Variants in DYNC2H1 observed in about 807,000 individuals in gnomAD.
DYNC2H1 encodes the protein cytoplasmic dynein 2 heavy chain 1.
DYNC2H1 carries 410 observed loss-of-function variants against 570.0 expected under a neutral mutation model. The observed-to-expected ratio is 0.72, with a 90% CI of 0.66 to 0.78. DYNC2H1 has a LOEUF of 0.78. Among genes scored for constraint, DYNC2H1 ranks in the 30% least tolerant of loss-of-function variants. The pLI is 0.00. For missense variants in DYNC2H1, 4,865 were observed against 5,046.4 expected (o/e 0.96, Z 1.09); for synonymous variants, 1,688 against 1,677.6 (o/e 1.01, Z -0.15).
intron 85 of DYNC2H1, among the ~76,000 whole-genome samples, chr11:103,440,020 G>A (rs1944209220): frequency 1.3e-5 from 2 of 152,062 alleles, no homozygotes; most frequent in Non-Finnish European, 1.5e-5. Context: ...ATTCTAGCGT[G>A]TTCTCTACCC....
intron 52 of DYNC2H1, among the ~76,000 whole-genome samples, chr11:103,208,501 A>G (rs1766346873): frequency 6.6e-6 from 1 of 152,260 alleles, no homozygotes; most frequent in Non-Finnish European, 1.5e-5. Context: ...ATGATATTGC[A>G]TGGTGTGCTT....
At chr11:103,138,822 G>A (rs1258079380) in intron 17 of DYNC2H1, among the ~76,000 whole-genome samples, 17 of 151,994 alleles carry the variant, frequency 1.1e-4, no homozygotes, top group African/African-American at 2.7e-4. Flanking sequence ...GGTAGAATTC[G>A]GCTGTGACTC....
At chr11:103,467,914 A>G (rs1306719742) in intron 87 of DYNC2H1, among the ~76,000 whole-genome samples, 8 of 152,206 alleles carry the variant, frequency 5.3e-5, no homozygotes, top group Admixed American at 5.2e-4. Flanking sequence ...TCTTAGGGCA[A>G]AGTGCCAGAA....
rs1862809333 is a variant in DYNC2H1, at chr11:103,203,725, C to T, written c.8260C>T (p.Gln2754Ter). The change falls in exon 51 of 89, where the codon CAA becomes TAA. Residue 2754 changes from glutamine to a stop codon, truncating the protein, a stop_gained. Transcript: ENST00000375735. LOFTEE classifies it high-confidence loss of function. The surrounding 1 kb of genome is among the most constrained non-coding windows in gnomAD (Gnocchi z 4.7). ...GCCCTTGCTGTTACCACTTAAGGAT[C>T]AAGCTTCACAAGATGGTTTTTTTGG... is the stretch of plus-strand genomic sequence containing the variant. ...LEPLLLPLKD[Q>*]ASQDGFFGPV... 2 of 1,612,274 alleles carry T rather than the reference C, an allele frequency of 1.2e-6. No individual in the cohort carries two copies.
Position 103,204,796 on chromosome 11 carries a change from T to C in DYNC2H1, c.8312-26T>C. ...AGACCACGTATAGATTGCCTGATTG[T>C]ATTATTATTCTTATATATTTCTTAG... On this transcript the variant is annotated intron_variant, in intron 51 of 88. Transcript: ENST00000375735. The surrounding 1 kb of genome is among the most constrained non-coding windows in gnomAD (Gnocchi z 4.1). The C allele has an allele frequency of 6.4e-7, 1 of 1,554,012 alleles. No homozygotes were observed. The highest frequency in any genetic ancestry group is 8.7e-7 in the Non-Finnish European group (1 of 1,145,938).
chr11:103,435,809 T>G, intron 84 of DYNC2H1, 134 bp from the exon 85 acceptor site: 5 of 684,222 alleles, frequency 7.3e-6, no homozygotes, highest in African/African-American at 1.8e-5. Flanking sequence ...TTCAATTTAA[T>G]GAGATCAAAC....
At chr11:103,290,011 A>G (rs1314152295) in intron 75 of DYNC2H1, among the ~76,000 whole-genome samples, 1 of 152,080 alleles carries the variant, frequency 6.6e-6, no homozygotes, top group Non-Finnish European at 1.5e-5. Flanking sequence ...GTCAACCACG[A>G]GAACCTAGGA....
In DYNC2H1 at chr11:103,256,229, T is replaced by C; in HGVS notation, c.10450T>C (p.Ser3484Pro). 6.3e-7 allele frequency: 1 copy of C among 1,599,636 alleles called. No homozygotes were observed. The highest frequency in any genetic ancestry group is 1.1e-5 in the South Asian group (1 of 87,206). The change falls in exon 68 of 89, where the codon TCC becomes CCC. Residue 3484 changes from serine to proline, a missense_variant. By Grantham distance (74) the Ser-to-Pro change is moderately conservative (BLOSUM62 -1). This residue lies in a region of DYNC2H1 where 2,401 missense variants were observed against 2,454.6 expected (regional missense o/e 0.98). Transcript: ENST00000375735. This position sits in a 1 kb window ranked among gnomAD's most constrained non-coding sequence, Gnocchi z 4.0. Reference protein sequence around the residue: ...SLKESYKLQISLDQERDAYLP... With the variant: ...SLKESYKLQIPLDQERDAYLP... Reference sequence around the variant, plus strand: ...TAAAGAATCTTACAAACTCCAAATTTCCCTTGATCAAGTAATTATTTCCTT... The same window carrying C: ...TAAAGAATCTTACAAACTCCAAATTCCCCTTGATCAAGTAATTATTTCCTT...
Position 103,321,101 on chromosome 11 carries a change from A to G in DYNC2H1, c.11798A>G (p.Asn3933Ser), listed in dbSNP as rs561145868. 3 of 1,612,722 alleles carry G rather than the reference A, an allele frequency of 1.9e-6. No homozygotes were observed. Among genetic ancestry groups the G allele is most frequent in the African/African-American group, 2.7e-5 (2 of 74,902 alleles). Reference sequence around the variant, plus strand: ...GCTATTTATGGAGGACGTATAGACAACTATTTTGACCTTAGAGTTCTTCAG... The same window carrying G: ...GCTATTTATGGAGGACGTATAGACAGCTATTTTGACCTTAGAGTTCTTCAG... ...ENAIYGGRID[N>S]YFDLRVLQSY... Residue 3933 changes from asparagine (N) to serine (S), a missense_variant, in exon 81 of 89, where the codon AAC becomes AGC. Asn to Ser is a conservative substitution (Grantham distance 46, BLOSUM62 1). This residue lies in a region of DYNC2H1 where 2,401 missense variants were observed against 2,454.6 expected (regional missense o/e 0.98). Coordinates refer to ENST00000375735, the MANE Select transcript of DYNC2H1 (RefSeq NM_001377.3).
intron 45 of DYNC2H1, among the ~76,000 whole-genome samples, chr11:103,190,358 G>A (rs1260138332): frequency 6.6e-6 from 1 of 152,132 alleles, no homozygotes; most frequent in Non-Finnish European, 1.5e-5. Context: ...CTGAATGTTC[G>A]CAGTCTAATG....
chr11:103,134,301 C>A lies in DYNC2H1; in HGVS notation c.2107-20C>A. 1 of 1,607,652 alleles carries A rather than the reference C, an allele frequency of 6.2e-7. No homozygotes were observed. Among genetic ancestry groups the A allele is most frequent in the Non-Finnish European group, 8.5e-7 (1 of 1,174,796 alleles). On this transcript the variant is annotated intron_variant, in intron 14 of 88. Coordinates refer to ENST00000375735, the MANE Select transcript of DYNC2H1 (RefSeq NM_001377.3). Reference sequence around the variant, plus strand: ...TTTTCCAGCAATACTTTGAGACTAGCATGCTCTAATTTTTCATAGGTGGTT... The same window carrying A: ...TTTTCCAGCAATACTTTGAGACTAGAATGCTCTAATTTTTCATAGGTGGTT...
intron 75 of DYNC2H1, 119 bp downstream of exon 75, chr11:103,287,724 G>T: frequency 2.4e-6 from 2 of 832,052 alleles, no homozygotes; most frequent in African/African-American, 1.8e-5. Flanking sequence ...TATTCATTCT[G>T]TTTATTTATC....
At chr11:103,344,736 A>G (rs1565513306) in intron 82 of DYNC2H1, among the ~76,000 whole-genome samples, 3 of 152,146 alleles carry the variant, frequency 2.0e-5, no homozygotes, top group Non-Finnish European at 4.4e-5. Context: ...TATTCTTCTG[A>G]TTTTGAATTT....
intron 17 of DYNC2H1, among the ~76,000 whole-genome samples, chr11:103,141,472 A>G (rs1859924379): frequency 6.6e-6 from 1 of 152,208 alleles, no homozygotes; most frequent in South Asian, 2.1e-4. Context: ...GGTCCACTCC[A>G]GACCCTGTTT....
chr11:103,468,352 T>G, intron 87 of DYNC2H1: 1 of 329,212 alleles, frequency 3.0e-6, no homozygotes, highest in Non-Finnish European at 5.6e-6. Flanking sequence ...CAGATGAGAT[T>G]TATATGTAAT....
In DYNC2H1 at chr11:103,198,142, G is replaced by A. The variant is rs1265362221; in HGVS notation, c.7839+79G>A. On this transcript the variant is annotated intron_variant, in intron 48 of 88. Coordinates refer to ENST00000375735, the MANE Select transcript of DYNC2H1 (RefSeq NM_001377.3). ...AAATATTTATTGTAAATATTTAGAG[G>A]GCATGAATATGATAGATTGTAGAAT... 9 of 1,433,734 alleles carry A rather than the reference G, an allele frequency of 6.3e-6. No homozygotes were observed. In the Admixed American group the frequency reaches 1.9e-4, roughly 31 times the overall value. The allele number at this position is 1,433,734 out of a possible 1,614,324, so 88.8% of individuals were successfully genotyped here. A position where few individuals can be genotyped will look rare whatever the true frequency, so the allele number is the denominator to read the frequency against.
intron 85 of DYNC2H1, among the ~76,000 whole-genome samples, chr11:103,452,682 C>T (rs1203627088): frequency 6.6e-6 from 1 of 151,846 alleles, no homozygotes; most frequent in African/African-American, 2.4e-5. Flanking sequence ...CTTCAAAATT[C>T]TGTATATTTT....
Position 103,256,383 on chromosome 11 carries a change from T to A in DYNC2H1, c.10461+143T>A. The A allele has an allele frequency of 1.2e-6, 1 of 832,158 alleles. No individual in the cohort carries two copies. The highest frequency in any genetic ancestry group is 1.8e-6 in the Non-Finnish European group (1 of 557,578). 51.5% of individuals were successfully genotyped at this position (832,158 alleles called of 1,614,324 possible). On this transcript the variant is annotated intron_variant, in intron 68 of 88. Coordinates refer to ENST00000375735, the MANE Select transcript of DYNC2H1 (RefSeq NM_001377.3). This position sits in a 1 kb window ranked among gnomAD's most constrained non-coding sequence, Gnocchi z 4.0. ...TTCAAAAACATCAGAACATTGGGTTTGATTCTAGTTATTGTAGAGAGGGAA... is the reference window on the plus strand; with the variant it reads ...TTCAAAAACATCAGAACATTGGGTTAGATTCTAGTTATTGTAGAGAGGGAA...
At chr11:103,368,796 G>A (rs1317068511) in intron 83 of DYNC2H1, among the ~76,000 whole-genome samples, 1 of 151,964 alleles carries the variant, frequency 6.6e-6, no homozygotes, top group African/African-American at 2.4e-5. Context: ...TTCTGCATGT[G>A]GATATCTAAT....
Sources: allele counts gnomAD v4.1 joint callset (sites outside exome capture counted in the v4.1 genomes callset), GRCh38; gene constraint gnomAD v4.1.1; regional missense constraint gnomAD v4.1.1; non-coding constraint Gnocchi (gnomAD v3.1); transcripts MANE v1.5; gene names NCBI Gene and HGNC (gene_info 2026-07-23, HGNC 2026-07-21).